Variants in KAZN observed in about 807,000 individuals in gnomAD.
KAZN encodes kazrin.
Under a neutral mutation model 87.4 loss-of-function variants are expected in KAZN, and 40 were observed. The ratio of observed to expected loss-of-function variants is 0.46; its 90% CI spans 0.36 to 0.60. KAZN has a LOEUF of 0.60. Among genes scored for constraint, KAZN ranks in the 20% least tolerant of loss-of-function variants. KAZN has a pLI of 0.00. For missense variants in KAZN, 898 were observed against 1,073.9 expected, an observed-to-expected ratio of 0.84 and a Z score of 2.29; for synonymous variants, 466 against 458.3, an observed-to-expected ratio of 1.02 and a Z score of -0.22.
At chr1:14,517,575 C>T (rs1409334175) in intron 2 of KAZN, among the ~76,000 whole-genome samples, 2 of 152,220 alleles carry the variant, frequency 1.3e-5, no homozygotes, top group Non-Finnish European at 2.9e-5. Context: ...TGACTCACAG[C>T]ATGAGCTTAA....
intron 1 of KAZN, among the ~76,000 whole-genome samples, chr1:14,902,402 A>AT (rs996390809): frequency 2.0e-5 from 3 of 151,436 alleles, no homozygotes; most frequent in Non-Finnish European, 4.4e-5. Flanking sequence ...ATTTTTTTGT[A>AT]TTTTTTTAGT....
intron 1 of KAZN, among the ~76,000 whole-genome samples, chr1:14,149,036 T>A (rs1645412216): frequency 7.2e-6 from 1 of 139,260 alleles, no homozygotes; most frequent in African/African-American, 2.8e-5. Flanking sequence ...ACATACAGCC[T>A]GCCTGCCTGC....
intron 1 of KAZN, among the ~76,000 whole-genome samples, chr1:13,985,035 A>T (rs1048298764): frequency 6.6e-6 from 1 of 152,134 alleles, no homozygotes; most frequent in African/African-American, 2.4e-5. Flanking sequence ...TAGCAGCAGC[A>T]TGTATAAAAT....
intron 2 of KAZN, among the ~76,000 whole-genome samples, chr1:14,185,900 C>T (rs890790635): frequency 6.6e-6 from 1 of 152,152 alleles, no homozygotes; most frequent in Non-Finnish European, 1.5e-5. Flanking sequence ...GCAAAATGTT[C>T]AGAGAATGCA....
At chr1:15,050,983 A>C (rs995242751) in intron 4 of KAZN, among the ~76,000 whole-genome samples, 1 of 152,106 alleles carries the variant, frequency 6.6e-6, no homozygotes, top group Non-Finnish European at 1.5e-5. Flanking sequence ...CCCCCCAAGG[A>C]GAAGAACTTA....
chr1:14,827,793 G>C (rs1428113848), intron 1 of KAZN, among the ~76,000 whole-genome samples: 1 of 152,238 alleles, frequency 6.6e-6, no homozygotes, highest in Non-Finnish European at 1.5e-5. Context: ...GAGTGGGCAT[G>C]TCTATGGGAT....
In KAZN at chr1:14,205,565, C is replaced by T. The variant is rs114559057; in HGVS notation, c.249+24973C>T. 7.7e-3 allele frequency among the ~76,000 whole-genome samples: 1,177 copies of T among 151,952 alleles called. 7 individuals are homozygous for T. Among genetic ancestry groups the T allele is most frequent in the Middle Eastern group, 0.027 (8 of 294 alleles). ...AGGATTTTCTGTATAGCCAGCATTG[C>T]GAAAACACATCCTGTTGGTGAACAC... On this transcript the variant is annotated intron_variant, in intron 2 of 16. Transcript: ENST00000636203.
At chr1:14,596,202 C>A (rs762201992), upstream of KAZN, among the ~76,000 whole-genome samples, 1 of 152,198 alleles carries the variant, frequency 6.6e-6, no homozygotes, top group Non-Finnish European at 1.5e-5. Flanking sequence ...CTCCTTCCCC[C>A]ACCCACAAGT....
intron 1 of KAZN, among the ~76,000 whole-genome samples, chr1:14,650,032 C>CTTT (rs34399319): frequency 6.8e-5 from 6 of 88,336 alleles, no homozygotes; most frequent in African/African-American, 1.2e-4. Flanking sequence ...CTCCACCCAT[C>CTTT]TTTTTTTTTT....
chr1:14,802,305 G>A (rs1452733440), intron 1 of KAZN, among the ~76,000 whole-genome samples: 1 of 151,816 alleles, frequency 6.6e-6, no homozygotes, highest in East Asian at 2.0e-4. Context: ...TAGGGAGGAT[G>A]AGGCAAGAGA....
chr1:14,906,092 G>A (rs887680594), intron 1 of KAZN, among the ~76,000 whole-genome samples: 13 of 150,914 alleles, frequency 8.6e-5, no homozygotes, highest in Non-Finnish European at 1.6e-4. Context: ...ACTTGAACCC[G>A]GTAGGCGGGG....
chr1:14,143,541 A>G (rs1645285009), intron 1 of KAZN, among the ~76,000 whole-genome samples: 1 of 151,950 alleles, frequency 6.6e-6, no homozygotes, highest in Admixed American at 6.6e-5. Context: ...ACTTACTTCC[A>G]CCAGTGTAAT....
chr1:14,653,481 C>A (rs1390841124), intron 1 of KAZN, among the ~76,000 whole-genome samples: 3 of 152,152 alleles, frequency 2.0e-5, no homozygotes, highest in Middle Eastern at 3.2e-3. Flanking sequence ...AGAATGTAGG[C>A]CCGGGGCGGC....
At chr1:14,459,292 C>T (rs1667736300) in intron 2 of KAZN, among the ~76,000 whole-genome samples, 1 of 151,786 alleles carries the variant, frequency 6.6e-6, no homozygotes, top group Admixed American at 6.6e-5. Context: ...TATACATGCC[C>T]ACACACATTT....
chr1:14,382,295 T>G (rs1234918051), intron 2 of KAZN, among the ~76,000 whole-genome samples: 1 of 152,174 alleles, frequency 6.6e-6, no homozygotes, highest in Admixed American at 6.5e-5. Flanking sequence ...AAAATACCAT[T>G]CTTCACAGAA....
At chr1:14,361,425 C>A (rs1659502082) in intron 2 of KAZN, among the ~76,000 whole-genome samples, 1 of 152,224 alleles carries the variant, frequency 6.6e-6, no homozygotes, top group Admixed American at 6.5e-5. Flanking sequence ...CACTTGGCTC[C>A]CTGGCTTCAG....
At chr1:14,005,640 A>G (rs1471019076) in intron 1 of KAZN, among the ~76,000 whole-genome samples, 3 of 152,216 alleles carry the variant, frequency 2.0e-5, no homozygotes, top group Non-Finnish European at 1.5e-5. Context: ...TCTTTTAGAT[A>G]AAGATACCAA....
chr1:15,016,434 T>C (rs761095732), intron 2 of KAZN, among the ~76,000 whole-genome samples: 11 of 152,068 alleles, frequency 7.2e-5, no homozygotes, highest in Non-Finnish European at 1.5e-4. Flanking sequence ...TACAGGCGCA[T>C]GCCACCGTGC....
chr1:14,068,738 ACTT>A lies in KAZN; in HGVS notation c.92-111689_92-111687del, dbSNP rs560723165. On this transcript the variant is annotated intron_variant, in intron 1 of 16. Coordinates refer to the KAZN transcript ENST00000636203. Reference sequence around the variant, plus strand: ...CGACAGAGAATGAGACTTGCTCTGAACTTCTTCTTCAAGTTTTTGTGTCTGACC... The same window carrying A: ...CGACAGAGAATGAGACTTGCTCTGAACTTCTTCAAGTTTTTGTGTCTGACC... 4.5e-3 allele frequency among the ~76,000 whole-genome samples: 678 copies of A among 151,930 alleles called. 2 individuals are homozygous for A. Among genetic ancestry groups the A allele is most frequent in the African/African-American group, 0.015 (602 of 41,428 alleles).
Sources: allele counts gnomAD v4.1 joint callset (sites outside exome capture counted in the v4.1 genomes callset), GRCh38; gene constraint gnomAD v4.1.1; transcripts MANE v1.5; gene names NCBI Gene and HGNC (gene_info 2026-07-23, HGNC 2026-07-21).